Variants in SLC25A48 observed in about 807,000 individuals in gnomAD.
The protein encoded by SLC25A48 is CTC-321K16.1.
A neutral mutation model predicts 32.2 loss-of-function variants in SLC25A48; 29 were observed. That is an observed-to-expected ratio of 0.90 (90% confidence interval 0.67 to 1.23). The LOEUF (loss-of-function observed/expected upper bound fraction) is 1.23. Among genes scored for constraint, SLC25A48 ranks in the 50% most tolerant of loss-of-function variants. The pLI is 0.00. For missense variants in SLC25A48, 399 were observed against 422.7 expected (o/e 0.94, Z 0.49); for synonymous variants, 164 against 172.3 (o/e 0.95, Z 0.38).
chr5:135,834,471 C>CAA (rs1300762925), upstream of SLC25A48, among the ~76,000 whole-genome samples: 1 of 152,262 alleles, frequency 6.6e-6, no homozygotes, highest in Non-Finnish European at 1.5e-5. Context: ...CTGGCACTTT[C>CAA]AGTTCAAAGG....
chr5:135,796,540 C>T (rs567905376), intron 3 of SLC25A48, among the ~76,000 whole-genome samples: 1 of 148,942 alleles, frequency 6.7e-6, no homozygotes, highest in African/African-American at 2.5e-5. Context: ...CTCCCCATAT[C>T]GTTGAGGGTT....
At chr5:135,592,371 C>T (rs1370141896) in intron 1 of SLC25A48, among the ~76,000 whole-genome samples, 1 of 152,144 alleles carries the variant, frequency 6.6e-6, no homozygotes, top group Admixed American at 6.6e-5. Flanking sequence ...AACATCTTGA[C>T]TTTGTTCTGT....
At chr5:135,582,876 A>G (rs1289255746) in intron 1 of SLC25A48, among the ~76,000 whole-genome samples, 6 of 152,188 alleles carry the variant, frequency 3.9e-5, no homozygotes, top group Admixed American at 2.0e-4. Context: ...TCCCACGAGC[A>G]TACCCCCAAC....
chr5:135,813,162 G>A (rs1317395862), intron 4 of SLC25A48: 1 of 152,568 alleles, frequency 6.6e-6, no homozygotes, highest in Non-Finnish European at 1.5e-5. Context: ...CCCAGCGCCT[G>A]GCCTTGCTAC....
intron 3 of SLC25A48, among the ~76,000 whole-genome samples, chr5:135,797,109 C>G (rs1757203238): frequency 6.6e-6 from 1 of 151,622 alleles, no homozygotes; most frequent in Non-Finnish European, 1.5e-5. Context: ...GATATTACTT[C>G]CAAAATCACA....
chr5:135,770,064 C>G (rs551639020), intron 3 of SLC25A48, among the ~76,000 whole-genome samples: 2 of 145,332 alleles, frequency 1.4e-5, no homozygotes, highest in Admixed American at 7.1e-5. Context: ...AAACCCCCCA[C>G]GTGATATTTT....
At chr5:135,763,096 A>C (rs185304436) in intron 3 of SLC25A48, among the ~76,000 whole-genome samples, 16 of 152,218 alleles carry the variant, frequency 1.1e-4, no homozygotes, top group African/African-American at 3.4e-4. Context: ...GAGATCAGGC[A>C]TGGGAGTCAT....
At chr5:135,879,168 T>C (rs545117913) in intron 6 of SLC25A48, among the ~76,000 whole-genome samples, 1 of 152,236 alleles carries the variant, frequency 6.6e-6, no homozygotes, top group South Asian at 2.1e-4. Context: ...AGGCCATTCT[T>C]CCTGAGCATG....
At chr5:135,799,829 T>C (rs1757277608) in intron 3 of SLC25A48, among the ~76,000 whole-genome samples, 1 of 151,678 alleles carries the variant, frequency 6.6e-6, no homozygotes, top group African/African-American at 2.4e-5. Flanking sequence ...ACTTACAATA[T>C]CGCAAAGAGT....
chr5:135,653,922 AT>A (rs1241758651), intron 3 of SLC25A48: 1 of 456,116 alleles, frequency 2.2e-6, no homozygotes, highest in African/African-American at 2.0e-5. Context: ...CTCATAGGGA[AT>A]GTTGTTCTCT....
intron 4 of SLC25A48, among the ~76,000 whole-genome samples, chr5:135,819,876 G>C (rs541565804): frequency 1.3e-5 from 2 of 152,026 alleles, no homozygotes; most frequent in Non-Finnish European, 2.9e-5. Flanking sequence ...AAACCAGCGT[G>C]GTATCTATAC....
chr5:135,625,704 T>G (rs773038807), intron 1 of SLC25A48, among the ~76,000 whole-genome samples: 1 of 152,090 alleles, frequency 6.6e-6, no homozygotes, highest in Non-Finnish European at 1.5e-5. Flanking sequence ...TTTTAAGGCC[T>G]TCTGAGGTGC....
chr5:135,769,002 G>A (rs2126606453), intron 3 of SLC25A48, among the ~76,000 whole-genome samples: 1 of 151,698 alleles, frequency 6.6e-6, no homozygotes, highest in South Asian at 2.1e-4. Flanking sequence ...ATTTCAGGGG[G>A]TGTACACACC....
At chr5:135,757,649 A>G (rs993434419) in intron 3 of SLC25A48, among the ~76,000 whole-genome samples, 1 of 149,732 alleles carries the variant, frequency 6.7e-6, no homozygotes, top group Non-Finnish European at 1.5e-5. Context: ...AAAAACATCT[A>G]GATGATATTT....
chr5:135,718,961 C>A (rs1331225328), intron 3 of SLC25A48, among the ~76,000 whole-genome samples: 1 of 152,190 alleles, frequency 6.6e-6, no homozygotes, highest in Non-Finnish European at 1.5e-5. Flanking sequence ...AACTATTGAA[C>A]ACACACATAA....
Position 135,888,211 on chromosome 5 carries a change from A to AT in SLC25A48, c.*189dup. 1.2e-6 allele frequency: 1 copy of AT among 815,252 alleles called. No individual in the cohort carries two copies. Among genetic ancestry groups the AT allele is most frequent in the South Asian group, 1.9e-5 (1 of 52,968 alleles). The allele number at this position is 815,252 out of a possible 1,614,324, so 50.5% of individuals were successfully genotyped here. A position where few individuals can be genotyped will look rare whatever the true frequency, so the allele number is the denominator to read the frequency against. Reference sequence around the variant, plus strand: ...GCCTGGGATGCCTCATGAGTCACTGATTCAAGCCCTCCAAGGTTCTGATCC... The same window carrying AT: ...GCCTGGGATGCCTCATGAGTCACTGATTTCAAGCCCTCCAAGGTTCTGATCC... On this transcript the variant is annotated 3_prime_UTR_variant, in exon 8 of 8. Transcript: ENST00000681962.
At chr5:135,768,952 C>G (rs776350743) in intron 3 of SLC25A48, among the ~76,000 whole-genome samples, 1 of 151,494 alleles carries the variant, frequency 6.6e-6, no homozygotes, top group Non-Finnish European at 1.5e-5. Context: ...TGATATTGTT[C>G]GTAATATTCA....
intron 3 of SLC25A48, among the ~76,000 whole-genome samples, chr5:135,717,673 A>G (rs879744701): frequency 1.4e-4 from 21 of 152,018 alleles, no homozygotes; most frequent in Non-Finnish European, 2.5e-4. Context: ...TGGTGTAGAT[A>G]CAAGCCAAGA....
chr5:135,611,754 C>T (rs1246688702), intron 1 of SLC25A48, among the ~76,000 whole-genome samples: 6 of 151,974 alleles, frequency 3.9e-5, no homozygotes, highest in Non-Finnish European at 8.8e-5. Context: ...ATACTAACAA[C>T]CAACATTGTA....
Sources: gnomAD v4.1 joint callset for allele counts (sites outside exome capture counted in the v4.1 genomes callset) on GRCh38, gnomAD v4.1.1 for gene constraint, MANE v1.5 for transcripts, NCBI Gene and HGNC (gene_info 2026-07-23, HGNC 2026-07-21) for gene names.